The following LIN7A variants were observed in gnomAD, a reference collection of about 807,000 sequenced individuals.
LIN7A encodes the protein protein lin-7 homolog A.
A neutral mutation model predicts 29.8 loss-of-function variants in LIN7A; 25 were observed. The observed-to-expected ratio is 0.84, with a 90% confidence interval of 0.61 to 1.17. The LOEUF is 1.17. Ranked by LOEUF, LIN7A falls within the 50% of genes most tolerant of loss-of-function variation. LIN7A has a pLI of 0.00. For missense variants in LIN7A, 239 were observed against 287.0 expected, an observed-to-expected ratio of 0.83 and a Z score of 1.21; for synonymous variants, 118 against 107.5, an observed-to-expected ratio of 1.10 and a Z score of -0.60.
chr12:80,848,191 G>A lies in LIN7A; in HGVS notation c.273+60C>T, dbSNP rs374869536. 5.1e-5 allele frequency: 62 copies of A among 1,221,832 alleles called. 1 individual carries two copies. Among genetic ancestry groups the A allele is most frequent in the African/African-American group, 7.4e-5 (5 of 67,156 alleles). The allele number at this position is 1,221,832 out of a possible 1,614,324, so 75.7% of individuals were successfully genotyped here. A position where few individuals can be genotyped will look rare whatever the true frequency, so the allele number is the denominator to read the frequency against. On this transcript the variant is annotated intron_variant, in intron 3 of 5. Transcript: ENST00000552864. ...ACGAGAATACCTGAAACACACACGC[G>A]CACAATCAATTACTAGATAACTGGG...
chr12:80,904,014 T>C (rs1246027385), intron 1 of LIN7A, among the ~76,000 whole-genome samples: 10 of 152,118 alleles, frequency 6.6e-5, no homozygotes, highest in Admixed American at 6.6e-4. Flanking sequence ...TTTTTCTGTG[T>C]TTATAACAAT....
intron 1 of LIN7A, among the ~76,000 whole-genome samples, chr12:80,922,760 A>C (rs78234868): frequency 6.6e-6 from 1 of 152,154 alleles, no homozygotes; most frequent in Non-Finnish European, 1.5e-5. Context: ...TCTAGAAATG[A>C]ATGATTCATC....
At chr12:80,868,061 G>C (rs1874230045) in intron 2 of LIN7A, among the ~76,000 whole-genome samples, 1 of 152,208 alleles carries the variant, frequency 6.6e-6, no homozygotes, top group Admixed American at 6.5e-5. Flanking sequence ...AGCTATTTCA[G>C]CTTCCTATAG....
chr12:80,819,064 A>G (rs1871672450), intron 4 of LIN7A, among the ~76,000 whole-genome samples: 1 of 152,336 alleles, frequency 6.6e-6, no homozygotes, highest in Admixed American at 6.5e-5. Flanking sequence ...ATCAAGGTCC[A>G]AAAATAGGTG....
At chr12:80,935,730 A>AT (rs1878175931) in intron 1 of LIN7A, 3 of 471,918 alleles carry the variant, frequency 6.4e-6, no homozygotes, top group Non-Finnish European at 1.4e-5. Flanking sequence ...CTGCTGATGA[A>AT]TTTTTTCAGA....
At chr12:80,870,983 A>C (rs1005571694) in intron 2 of LIN7A, among the ~76,000 whole-genome samples, 1 of 152,210 alleles carries the variant, frequency 6.6e-6, no homozygotes, top group African/African-American at 2.4e-5. Flanking sequence ...AGGTCAATGC[A>C]AAATTCTGCT....
At chr12:80,855,506 T>C (rs1290572013) in intron 2 of LIN7A, among the ~76,000 whole-genome samples, 1 of 152,032 alleles carries the variant, frequency 6.6e-6, no homozygotes, top group Non-Finnish European at 1.5e-5. Context: ...ACATTAAAAA[T>C]AAAAATTTAG....
intron 4 of LIN7A, chr12:80,842,100 G>A: frequency 7.8e-7 from 1 of 1,287,290 alleles, no homozygotes; most frequent in Non-Finnish European, 1.0e-6. Context: ...GCTGACATGA[G>A]TTTCCATCTG....
At chr12:80,933,610 C>T (rs756997032) in intron 1 of LIN7A, among the ~76,000 whole-genome samples, 33 of 152,182 alleles carry the variant, frequency 2.2e-4, no homozygotes, top group Non-Finnish European at 3.5e-4. Context: ...ATCTGACCCC[C>T]GGCTACCAAC....
intron 2 of LIN7A, among the ~76,000 whole-genome samples, chr12:80,855,021 A>T (rs569158939): frequency 1.1e-4 from 16 of 152,170 alleles, no homozygotes; most frequent in Non-Finnish European, 1.8e-4. Context: ...AAAACATAGG[A>T]TGCTCCAGAG....
chr12:80,934,978 A>C (rs947779402), intron 1 of LIN7A, among the ~76,000 whole-genome samples: 1 of 152,172 alleles, frequency 6.6e-6, no homozygotes, highest in Non-Finnish European at 1.5e-5. Context: ...TAGGTTGAGA[A>C]TCTCTGGCCT....
chr12:80,821,954 A>G (rs2121520608), intron 4 of LIN7A, among the ~76,000 whole-genome samples: 1 of 152,296 alleles, frequency 6.6e-6, no homozygotes, highest in Middle Eastern at 3.4e-3. Flanking sequence ...ACGTGTGTGC[A>G]CTCAGGGGAG....
chr12:80,867,403 C>G (rs77231672), intron 2 of LIN7A, among the ~76,000 whole-genome samples: 1 of 152,152 alleles, frequency 6.6e-6, no homozygotes, highest in Non-Finnish European at 1.5e-5. Context: ...GATTGACCCA[C>G]CTAGCCGAGG....
At chr12:80,876,146 T>A (rs1874690747) in intron 2 of LIN7A, among the ~76,000 whole-genome samples, 1 of 150,756 alleles carries the variant, frequency 6.6e-6, no homozygotes, top group Non-Finnish European at 1.5e-5. Flanking sequence ...CAAATTGAAA[T>A]CTCCCACTGA....
At chr12:80,872,899 T>A (rs1229248401) in intron 2 of LIN7A, among the ~76,000 whole-genome samples, 1 of 152,192 alleles carries the variant, frequency 6.6e-6, no homozygotes, top group East Asian at 1.9e-4. Context: ...AAGCAGGTGG[T>A]CACAGAGGAA....
At chr12:80,866,886 G>A (rs1387152315) in intron 2 of LIN7A, among the ~76,000 whole-genome samples, 1 of 152,096 alleles carries the variant, frequency 6.6e-6, no homozygotes, top group Non-Finnish European at 1.5e-5. Context: ...AAAGGCTGCC[G>A]TAGTTCCAAA....
At chr12:80,847,185 G>A (rs906904737) in intron 3 of LIN7A, among the ~76,000 whole-genome samples, 2 of 152,182 alleles carry the variant, frequency 1.3e-5, no homozygotes, top group Admixed American at 6.5e-5. Context: ...CTGTGCTATT[G>A]CAACATTATG....
intron 4 of LIN7A, among the ~76,000 whole-genome samples, chr12:80,833,955 T>C (rs909681018): frequency 6.6e-6 from 1 of 152,200 alleles, no homozygotes; most frequent in Non-Finnish European, 1.5e-5. Flanking sequence ...CTCTTGATTA[T>C]CTCTGCTCAC....
chr12:80,901,635 A>G (rs1210534195), intron 1 of LIN7A, among the ~76,000 whole-genome samples: 1 of 152,064 alleles, frequency 6.6e-6, no homozygotes, highest in African/African-American at 2.4e-5. Context: ...TGCTGAAGAG[A>G]CACCCCATCA....
Sources: allele counts gnomAD v4.1 joint callset (sites outside exome capture counted in the v4.1 genomes callset), GRCh38; gene constraint gnomAD v4.1.1; transcripts MANE v1.5; gene names NCBI Gene and HGNC (gene_info 2026-07-23, HGNC 2026-07-21).